Variants in MYO3B observed in about 807,000 individuals in gnomAD.
MYO3B encodes myosin IIIB.
Under a neutral mutation model 174.6 loss-of-function variants are expected in MYO3B, and 156 were observed. The ratio of observed to expected loss-of-function variants is 0.89; its 90% confidence interval spans 0.78 to 1.02. MYO3B has a LOEUF of 1.02. Among genes scored for constraint, MYO3B ranks in the 50% least tolerant of loss-of-function variants. The probability of loss-of-function intolerance (pLI) is 0.00; values close to 1 mark genes in which losing one functional copy is unlikely to be tolerated. For missense variants in MYO3B, 1,632 were observed against 1,639.4 expected (o/e 1.00, Z 0.08); for synonymous variants, 563 against 569.1 (o/e 0.99, Z 0.15).
chr2:170,209,610 C>T (rs185199315), intron 3 of MYO3B, among the ~76,000 whole-genome samples: 1 of 152,210 alleles, frequency 6.6e-6, no homozygotes, highest in Admixed American at 6.5e-5. Flanking sequence ...TTATTATAAA[C>T]TATCTTTTGA....
chr2:170,596,575 A>G (rs927533145), intron 32 of MYO3B, among the ~76,000 whole-genome samples: 1 of 152,228 alleles, frequency 6.6e-6, no homozygotes, highest in Admixed American at 6.5e-5. Flanking sequence ...AATTCTGACT[A>G]CATGTTTTCT....
At chr2:170,376,996 C>T (rs1387057888) in intron 9 of MYO3B, among the ~76,000 whole-genome samples, 2 of 152,108 alleles carry the variant, frequency 1.3e-5, no homozygotes, top group Middle Eastern at 3.2e-3. Context: ...GTCTCACCTA[C>T]GTGAAGTTCT....
At chr2:170,616,356 T>A (rs1175096940) in intron 32 of MYO3B, among the ~76,000 whole-genome samples, 1 of 152,156 alleles carries the variant, frequency 6.6e-6, no homozygotes, top group Non-Finnish European at 1.5e-5. Context: ...AGGATAGGAA[T>A]CTTGGTGATG....
chr2:170,516,124 T>G (rs917760157), intron 29 of MYO3B, among the ~76,000 whole-genome samples: 1 of 152,138 alleles, frequency 6.6e-6, no homozygotes, highest in African/African-American at 2.4e-5. Flanking sequence ...CCACACACAG[T>G]GCTTTTTAAA....
intron 22 of MYO3B, among the ~76,000 whole-genome samples, chr2:170,425,180 A>C (rs1457029597): frequency 6.6e-6 from 1 of 151,958 alleles, no homozygotes; most frequent in Non-Finnish European, 1.5e-5. Context: ...TTAAAGATGG[A>C]ATAAAACTTA....
chr2:170,624,984 AT>A (rs1291730851), intron 32 of MYO3B, among the ~76,000 whole-genome samples: 1 of 151,916 alleles, frequency 6.6e-6, no homozygotes, highest in Non-Finnish European at 1.5e-5. Flanking sequence ...TTTATTGAGG[AT>A]TTTTGCATCG....
intron 30 of MYO3B, among the ~76,000 whole-genome samples, chr2:170,524,814 G>A (rs1041036556): frequency 6.6e-6 from 1 of 152,106 alleles, no homozygotes; most frequent in African/African-American, 2.4e-5. Context: ...GCATTATCCT[G>A]TTCAACCTTA....
intron 21 of MYO3B, among the ~76,000 whole-genome samples, chr2:170,407,210 C>T (rs532042715): frequency 5.9e-5 from 9 of 152,074 alleles, no homozygotes; most frequent in Non-Finnish European, 1.2e-4. Flanking sequence ...ACCTGTAATC[C>T]CAGCACTTTG....
intron 7 of MYO3B, among the ~76,000 whole-genome samples, chr2:170,258,167 A>C (rs1442882773): frequency 6.6e-6 from 1 of 152,108 alleles, no homozygotes; most frequent in Non-Finnish European, 1.5e-5. Context: ...TACCAATCCT[A>C]CTGAAATTAT....
intron 29 of MYO3B, among the ~76,000 whole-genome samples, chr2:170,516,461 A>G (rs1347962044): frequency 6.6e-6 from 1 of 151,912 alleles, no homozygotes; most frequent in Non-Finnish European, 1.5e-5. Context: ...CTAACACACA[A>G]TGAAACCCCA....
chr2:170,335,554 C>A, intron 8 of MYO3B, 104 bp downstream of exon 8: 1 of 843,156 alleles, frequency 1.2e-6, no homozygotes, highest in Non-Finnish European at 1.9e-6. Context: ...GTTGTTATGC[C>A]TGTTAGCACG....
intron 30 of MYO3B, among the ~76,000 whole-genome samples, chr2:170,524,330 C>A (rs1011812477): frequency 1.3e-5 from 2 of 152,108 alleles, no homozygotes; most frequent in African/African-American, 2.4e-5. Context: ...CTACACCTGC[C>A]CCCCATCAGC....
chr2:170,418,355 C>A (rs921488388), intron 22 of MYO3B, among the ~76,000 whole-genome samples: 1 of 152,178 alleles, frequency 6.6e-6, no homozygotes, highest in Non-Finnish European at 1.5e-5. Context: ...TAAAATGCAT[C>A]TTTTTATTAG....
At chr2:170,463,544 A>G (rs993106236) in intron 24 of MYO3B, 99 bp downstream of exon 24, 19 of 1,028,944 alleles carry the variant, frequency 1.8e-5, no homozygotes, top group Non-Finnish European at 2.6e-5. Context: ...ACAAGGGCAA[A>G]GCACAGAGTC....
chr2:170,464,084 G>A (rs966670894), intron 24 of MYO3B, among the ~76,000 whole-genome samples: 5 of 152,140 alleles, frequency 3.3e-5, no homozygotes, highest in African/African-American at 1.2e-4. Context: ...GAGCACATTG[G>A]CTCACACCTA....
intron 1 of MYO3B, among the ~76,000 whole-genome samples, chr2:170,197,413 T>G (rs900736646): frequency 1.3e-5 from 2 of 152,222 alleles, no homozygotes; most frequent in African/African-American, 4.8e-5. Flanking sequence ...CTTCACCATT[T>G]GGCAAATCCC....
intron 22 of MYO3B, among the ~76,000 whole-genome samples, chr2:170,442,173 A>G (rs1323164930): frequency 1.3e-5 from 2 of 152,130 alleles, no homozygotes; most frequent in Non-Finnish European, 2.9e-5. Flanking sequence ...ATATGAATTT[A>G]TGCTTACTTT....
intron 32 of MYO3B, among the ~76,000 whole-genome samples, chr2:170,570,190 T>C (rs938562982): frequency 6.6e-6 from 1 of 152,180 alleles, no homozygotes; most frequent in African/African-American, 2.4e-5. Flanking sequence ...AGTTCTTGGC[T>C]GAAGAAAAAG....
intron 22 of MYO3B, among the ~76,000 whole-genome samples, chr2:170,438,563 C>G (rs1355309529): frequency 1.3e-5 from 2 of 152,120 alleles, no homozygotes; most frequent in Non-Finnish European, 2.9e-5. Flanking sequence ...GCAGAGAGTT[C>G]TAATTTCTCT....
Sources: allele counts gnomAD v4.1 joint callset (sites outside exome capture counted in the v4.1 genomes callset), GRCh38; gene constraint gnomAD v4.1.1; transcripts MANE v1.5; gene names NCBI Gene and HGNC (gene_info 2026-07-23, HGNC 2026-07-21).